The following ANKRD27 variants were observed in gnomAD, a reference collection of about 807,000 sequenced individuals.
The protein encoded by ANKRD27 is ankyrin repeat domain-containing protein 27.
Under a neutral mutation model 129.7 loss-of-function variants are expected in ANKRD27, and 112 were observed. The ratio of observed to expected loss-of-function variants is 0.86; its 90% CI spans 0.74 to 1.01. ANKRD27 has a LOEUF of 1.01. Ranked by LOEUF, ANKRD27 falls within the 50% of genes least tolerant of loss-of-function variation. The pLI is 0.00. For synonymous variants in ANKRD27, 516 were observed against 511.2 expected (o/e 1.01, Z -0.13); for missense variants, 1,258 against 1,300.5 (o/e 0.97, Z 0.50).
At chr19:32,649,968 C>CTGT (rs1411280041) in intron 2 of ANKRD27, among the ~76,000 whole-genome samples, 176 bp from the exon 3 acceptor site, 1 of 151,464 alleles carries the variant, frequency 6.6e-6, no homozygotes, top group African/African-American at 2.4e-5. Context: ...TGATCTGCTG[C>CTGT]TGCTGTTGTT....
At position 32,607,631 on chromosome 19, in the gene ANKRD27, G is replaced by C; in HGVS notation, c.2373+4C>G. ...CTCCACCACCCCCAACACACAGCCC[G>C]AACCTGAAAGTGGCCCTGCTGGCAG... On this transcript the variant is annotated splice_donor_region_variant and intron_variant, in intron 23 of 28. Coordinates refer to ENST00000306065, the MANE Select transcript of ANKRD27 (RefSeq NM_032139.3). 6.2e-7 allele frequency: 1 copy of C among 1,610,658 alleles called. No homozygotes were observed. Among genetic ancestry groups the C allele is most frequent in the Non-Finnish European group, 8.5e-7 (1 of 1,179,396 alleles).
intron 22 of ANKRD27, among the ~76,000 whole-genome samples, chr19:32,611,870 C>T (rs1399744197): frequency 2.6e-5 from 4 of 152,040 alleles, no homozygotes; most frequent in Admixed American, 6.6e-5. Context: ...CGTGAGCCAT[C>T]GTGCCCGGCC....
chr19:32,617,693 A>G lies in ANKRD27; in HGVS notation c.2008-60T>C, dbSNP rs1183571869. ...TTTCAACAATAAAATAATAATAGAA[A>G]TAATATAAACATTCTGAAAATCTAT... On this transcript the variant is annotated intron_variant, in intron 20 of 28. Transcript: ENST00000306065. 3 of 667,196 alleles carry G rather than the reference A, an allele frequency of 4.5e-6. No individual in the cohort carries two copies. In the African/African-American group the frequency reaches 5.5e-5, roughly 12 times the overall value. 41.3% of individuals were successfully genotyped at this position (667,196 alleles called of 1,614,324 possible).
Position 32,619,518 on chromosome 19 carries a change from GA to G in ANKRD27, c.1862del (p.Phe621SerfsTer50). On this transcript the variant is annotated frameshift_variant, in exon 19 of 29. Coordinates refer to ENST00000306065, the MANE Select transcript of ANKRD27 (RefSeq NM_032139.3). LOFTEE classifies it high-confidence loss of function. ...LSVMEAYHLS[F>X]ERRQKSSEAP... ...CCTCGGACGACTTCTGCCTCCTCTC[GA>G]AGGACAGGTGATAGGCTTCCATTAC... 1 of 1,614,084 alleles carries G rather than the reference GA, an allele frequency of 6.2e-7. No individual in the cohort carries two copies. Among genetic ancestry groups the G allele is most frequent in the Non-Finnish European group, 8.5e-7 (1 of 1,180,020 alleles).
intron 1 of ANKRD27, among the ~76,000 whole-genome samples, chr19:32,669,276 G>A (rs996710833): frequency 3.9e-5 from 6 of 152,180 alleles, no homozygotes; most frequent in African/African-American, 1.4e-4. Flanking sequence ...CTAGGGAGAA[G>A]AGACTAACAT....
chr19:32,630,236 G>A (rs920788269), intron 13 of ANKRD27, among the ~76,000 whole-genome samples: 1 of 152,166 alleles, frequency 6.6e-6, no homozygotes, highest in African/African-American at 2.4e-5. Context: ...CTTCCTGGAC[G>A]TGCTCATTCC....
At chr19:32,666,639 CTATTTTTTTT>C (rs1967762373) in intron 1 of ANKRD27, among the ~76,000 whole-genome samples, 1 of 112,020 alleles carries the variant, frequency 8.9e-6, no homozygotes, top group Non-Finnish European at 1.8e-5. Context: ...AATCAGATTT[CTATTTTTTTT>C]TTTTTTTTTT....
intron 20 of ANKRD27, among the ~76,000 whole-genome samples, chr19:32,618,529 C>T (rs1185606569): frequency 6.6e-6 from 1 of 151,960 alleles, no homozygotes; most frequent in African/African-American, 2.4e-5. Context: ...AGGGTGGACA[C>T]CCCTCCCAGG....
chr19:32,604,235 C>A, intron 25 of ANKRD27, 28 bp downstream of exon 25: 1 of 1,577,026 alleles, frequency 6.3e-7, no homozygotes, highest in East Asian at 2.3e-5. Context: ...CTCAGGATTC[C>A]CTCGGCTCTT....
rs764358078 is a variant in ANKRD27, at chr19:32,598,255, G to A, written c.3043C>T (p.His1015Tyr). The A allele has an allele frequency of 1.9e-6, 3 of 1,614,170 alleles. No individual in the cohort carries two copies. The highest frequency in any genetic ancestry group is 2.5e-6 in the Non-Finnish European group (3 of 1,180,038). The change falls in exon 29 of 29, where the codon CAC becomes TAC. Residue 1015 changes from histidine to tyrosine, a missense_variant. By Grantham distance (83) the His-to-Tyr change is moderately conservative (BLOSUM62 2). Transcript: ENST00000306065. The stretch of plus-strand genomic sequence containing the variant: ...GTGTGTCTCCGCAGCATCCGTCTGT[G>A]TCCAGGGCCAGTCTGTGTCAGTCCA... Reference protein sequence around the residue: ...RPGLTQTGPGHRRMLRRHTVE... With the variant: ...RPGLTQTGPGYRRMLRRHTVE...
At chr19:32,613,123 C>G (rs1971858420) in intron 22 of ANKRD27, among the ~76,000 whole-genome samples, 1 of 152,072 alleles carries the variant, frequency 6.6e-6, no homozygotes, top group Non-Finnish European at 1.5e-5. Context: ...AACAAATGAA[C>G]AGACATTTCA....
At chr19:32,623,192 G>T (rs1264926271) in intron 17 of ANKRD27, among the ~76,000 whole-genome samples, 2 of 152,290 alleles carry the variant, frequency 1.3e-5, no homozygotes, top group East Asian at 3.9e-4. Context: ...ACTACAGCAG[G>T]CCTGAGACTG....
At chr19:32,607,899 G>C in intron 22 of ANKRD27, 67 bp from the exon 23 acceptor site, 7 of 1,476,062 alleles carry the variant, frequency 4.7e-6, no homozygotes, top group Non-Finnish European at 5.5e-6. Context: ...GGAGTGATTG[G>C]CACCATGTGC....
At chr19:32,615,095 C>G (rs1234845146) in intron 22 of ANKRD27, among the ~76,000 whole-genome samples, 1 of 152,142 alleles carries the variant, frequency 6.6e-6, no homozygotes, top group Non-Finnish European at 1.5e-5. Flanking sequence ...AAGCTCCTGC[C>G]ACGGGACTCA....
At chr19:32,636,370 GA>G in intron 12 of ANKRD27, 1 of 154,384 alleles carries the variant, frequency 6.5e-6, no homozygotes, top group East Asian at 1.9e-4. Context: ...ACAGAGAGGG[GA>G]GACCCTATGA....
intron 3 of ANKRD27, 33 bp downstream of exon 3, chr19:32,649,649 G>A: frequency 4.8e-6 from 7 of 1,458,450 alleles, no homozygotes; most frequent in Non-Finnish European, 5.8e-6. Context: ...CACCGAGTAG[G>A]TGACCCTGGC....
chr19:32,663,795 G>A (rs954194884), intron 1 of ANKRD27, among the ~76,000 whole-genome samples: 4 of 152,186 alleles, frequency 2.6e-5, no homozygotes, highest in African/African-American at 7.2e-5. Flanking sequence ...GGTGGCTCAC[G>A]CCTGTAATCC....
Position 32,656,087 on chromosome 19 carries a change from GAAA to G in ANKRD27, c.102+2824_102+2826del, listed in dbSNP as rs1568417723. On this transcript the variant is annotated intron_variant, in intron 2 of 28. Coordinates refer to ENST00000306065, the MANE Select transcript of ANKRD27 (RefSeq NM_032139.3). ...AGAAAGAAAGAAAGAAAGAAAGAAA[GAAA>G]GAAAGAAAGAAAGAAAGAAAAGAAA... Among the ~76,000 whole-genome samples the G allele has an allele frequency of 5.0e-4, 61 of 121,884 alleles. No homozygotes were observed. In the East Asian group the frequency reaches 0.011, roughly 23 times the overall value. 80.0% of individuals were successfully genotyped at this position (121,884 alleles called of 152,430 possible).
At chr19:32,673,512 G>A (rs1967912778) in intron 1 of ANKRD27, 2 of 950,826 alleles carry the variant, frequency 2.1e-6, no homozygotes, top group Non-Finnish European at 2.5e-6. Context: ...TCAGGACCTG[G>A]CACATCTGGC....
Sources: gnomAD v4.1 joint callset for allele counts (sites outside exome capture counted in the v4.1 genomes callset) on GRCh38, gnomAD v4.1.1 for gene constraint, MANE v1.5 for transcripts, NCBI Gene and HGNC (gene_info 2026-07-23, HGNC 2026-07-21) for gene names.